The following TGIF1 variants were observed in gnomAD, a reference collection of about 807,000 sequenced individuals.
The protein encoded by TGIF1 is TGFB induced factor homeobox 1, also known as homeobox protein TGIF1.
TGIF1 carries 4 observed loss-of-function variants against 19.3 expected under a neutral mutation model. That is an observed-to-expected ratio of 0.21 (90% CI 0.10 to 0.47). The LOEUF (loss-of-function observed/expected upper bound fraction) is 0.47. Among genes scored for constraint, TGIF1 ranks in the 20% least tolerant of loss-of-function variants. The probability of loss-of-function intolerance (pLI) is 0.98; values close to 1 mark genes in which losing one functional copy is unlikely to be tolerated. For synonymous variants in TGIF1, 122 were observed against 129.3 expected, an observed-to-expected ratio of 0.94 and a Z score of 0.38; for missense variants, 275 against 341.4, an observed-to-expected ratio of 0.81 and a Z score of 1.53.
At position 3,453,858 on chromosome 18, in the gene TGIF1, T is replaced by C. The variant is rs1034826982; in HGVS notation, c.17-2496T>C. On this transcript the variant is annotated intron_variant, in intron 1 of 2. Transcript: ENST00000343820. ...CCCCACCGCCACATTTTTTAAAGTGTAAGCAAAGCAAGACGTTTGGAAACA... is the reference window on the plus strand; with the variant it reads ...CCCCACCGCCACATTTTTTAAAGTGCAAGCAAAGCAAGACGTTTGGAAACA... 9.1e-6 allele frequency: 9 copies of C among 984,926 alleles called. No individual in the cohort carries two copies. In the East Asian group the frequency reaches 5.7e-4, roughly 62 times the overall value. The allele number at this position is 984,926 out of a possible 1,614,324, so 61.0% of individuals were successfully genotyped here.
chr18:3,443,863 T>TAAATA (rs869283841), intron 2 of TGIF1, among the ~76,000 whole-genome samples: 1 of 109,840 alleles, frequency 9.1e-6, no homozygotes, highest in African/African-American at 2.6e-5. Context: ...TTTTAAGTAG[T>TAAATA]AAATAAAATA....
At chr18:3,445,752 A>AAAAAAG (rs1568041600), upstream of TGIF1, among the ~76,000 whole-genome samples, 11 of 115,048 alleles carry the variant, frequency 9.6e-5, no homozygotes, top group African/African-American at 3.8e-4. Context: ...AAAAAAAAAA[A>AAAAAAG]AGAGAAGAAA....
At chr18:3,449,538 T>TGCCCCCCCC, upstream of TGIF1, 23 of 961,930 alleles carry the variant, frequency 2.4e-5, no homozygotes, top group Non-Finnish European at 2.6e-5. Flanking sequence ...GTCTCATCAT[T>TGCCCCCCCC]CCCCCCCGCC....
chr18:3,452,236 C>A, intron 1 of TGIF1: 1 of 1,609,162 alleles, frequency 6.2e-7, no homozygotes, highest in South Asian at 1.1e-5. Context: ...CCTCCACCGG[C>A]GCGCTGCCCA....
intron 2 of TGIF1, among the ~76,000 whole-genome samples, chr18:3,437,318 C>T (rs901458019): frequency 1.3e-5 from 2 of 152,094 alleles, no homozygotes; most frequent in Non-Finnish European, 2.9e-5. Flanking sequence ...TGAGTGTAAA[C>T]GTTCCATTCC....
intron 1 of TGIF1, among the ~76,000 whole-genome samples, chr18:3,417,969 T>C (rs983892475): frequency 2.0e-5 from 3 of 152,118 alleles, no homozygotes; most frequent in African/African-American, 7.2e-5. Context: ...TAACAGCTTT[T>C]TGTTAGTTAA....
chr18:3,413,489 C>T (rs181740462), intron 1 of TGIF1, among the ~76,000 whole-genome samples: 1 of 152,194 alleles, frequency 6.6e-6, no homozygotes, highest in African/African-American at 2.4e-5. Flanking sequence ...TTTGCTTATT[C>T]GAGTTGTTAT....
rs181158897 is a variant in TGIF1 at position 3,435,172 on chromosome 18, C to T, written c.-45+16957C>T. Among the ~76,000 whole-genome samples, 29 of 152,002 alleles carry T rather than the reference C, an allele frequency of 1.9e-4. 1 individual carries two copies. In the East Asian group the frequency reaches 5.6e-3, roughly 29 times the overall value. ...TTCAAAGGCACAATTAAATTTCAGG[C>T]TTTTAATCTTTTAAAACCCTATATA... On this transcript the variant is annotated intron_variant, in intron 2 of 3. Coordinates refer to the TGIF1 transcript ENST00000401449.
upstream of TGIF1, chr18:3,448,494 G>T (rs1010705823): frequency 1.7e-5 from 17 of 990,264 alleles, no homozygotes; most frequent in African/African-American, 2.8e-4. Context: ...CAGCGTCCGG[G>T]CGGGTGGCTT....
chr18:3,440,543 C>T (rs2082668171), intron 2 of TGIF1, among the ~76,000 whole-genome samples: 1 of 152,122 alleles, frequency 6.6e-6, no homozygotes, highest in South Asian at 2.1e-4. Flanking sequence ...TGATTAACCA[C>T]TAATGGCTCT....
Position 3,456,613 on chromosome 18 carries a change from A to G in TGIF1, c.243+33A>G. 1 of 1,597,760 alleles carries G rather than the reference A, an allele frequency of 6.3e-7. No individual in the cohort carries two copies. Among genetic ancestry groups the G allele is most frequent in the Non-Finnish European group, 8.6e-7 (1 of 1,165,932 alleles). ...AAGAGAGCGTGAGGTTTATGGATGC[A>G]TTTTTAGTTTCAAAGTCATTTTATG... On this transcript the variant is annotated intron_variant, in intron 2 of 2. Transcript: ENST00000343820. This position sits in a 1 kb window ranked among gnomAD's most constrained non-coding sequence, Gnocchi z 4.2.
chr18:3,448,316 A>G (rs1437391546), upstream of TGIF1: 2 of 985,246 alleles, frequency 2.0e-6, no homozygotes, highest in East Asian at 1.1e-4. Flanking sequence ...GGAGCCACCA[A>G]TCCCAGCCAC....
chr18:3,426,289 C>T (rs2082467980), intron 2 of TGIF1, among the ~76,000 whole-genome samples: 1 of 151,762 alleles, frequency 6.6e-6, no homozygotes, highest in African/African-American at 2.4e-5. Flanking sequence ...ACACCTCAGC[C>T]TCCCAAGTTG....
chr18:3,458,189 T>A lies in TGIF1; in HGVS notation c.*249T>A. 2.1e-6 allele frequency: 1 copy of A among 478,942 alleles called. No homozygotes were observed. The highest frequency in any genetic ancestry group is 3.7e-6 in the Non-Finnish European group (1 of 273,668). 29.7% of individuals were successfully genotyped at this position (478,942 alleles called of 1,614,324 possible). ...TAGATTATTCATAATGTGAGATGGT[T>A]CCCAATATCATGTGATTTTTTTTTT... On this transcript the variant is annotated 3_prime_UTR_variant, in exon 3 of 3. Coordinates refer to ENST00000343820, the MANE Select transcript of TGIF1 (RefSeq NM_003244.4).
At chr18:3,425,031 T>C (rs1164926209) in intron 2 of TGIF1, among the ~76,000 whole-genome samples, 2 of 152,238 alleles carry the variant, frequency 1.3e-5, no homozygotes, top group African/African-American at 2.4e-5. Flanking sequence ...CCCTGATGTA[T>C]AGCCAGTTGG....
intron 1 of TGIF1, among the ~76,000 whole-genome samples, chr18:3,416,834 G>A (rs1435616109): frequency 6.6e-6 from 1 of 151,850 alleles, no homozygotes; most frequent in Non-Finnish European, 1.5e-5. Flanking sequence ...AGGAGGCTGA[G>A]GCAGGAGAAT....
intron 2 of TGIF1, among the ~76,000 whole-genome samples, chr18:3,433,810 T>C (rs578174952): frequency 6.6e-6 from 1 of 152,362 alleles, no homozygotes; most frequent in East Asian, 1.9e-4. Flanking sequence ...ATAGTCATGA[T>C]GGTTGCACAG....
intron 2 of TGIF1, among the ~76,000 whole-genome samples, chr18:3,430,405 T>A (rs1483913108): frequency 6.6e-6 from 1 of 152,232 alleles, no homozygotes; most frequent in Non-Finnish European, 1.5e-5. Flanking sequence ...AAATGTGAAA[T>A]GTTACTTATA....
chr18:3,452,762 G>C (rs1036547055), intron 1 of TGIF1, among the ~76,000 whole-genome samples: 2 of 152,258 alleles, frequency 1.3e-5, no homozygotes, highest in East Asian at 3.9e-4. Flanking sequence ...AGGAAGTCGG[G>C]CCCTCCTTAC....
Sources: gnomAD v4.1 joint callset for allele counts (sites outside exome capture counted in the v4.1 genomes callset) on GRCh38, gnomAD v4.1.1 for gene constraint, Gnocchi (gnomAD v3.1) non-coding constraint, MANE v1.5 for transcripts, NCBI Gene and HGNC (gene_info 2026-07-23, HGNC 2026-07-21) for gene names.